WNT1: variants seen among roughly 807,000 people sequenced by gnomAD.
WNT1 encodes the protein proto-oncogene Wnt-1.
Under a neutral mutation model 21.3 loss-of-function variants are expected in WNT1, and 10 were observed. The ratio of observed to expected loss-of-function variants is 0.47; its 90% CI spans 0.29 to 0.80. The LOEUF (loss-of-function observed/expected upper bound fraction) is 0.80. WNT1 is among the 30% of genes least tolerant of loss of function. The pLI, the probability that WNT1 is intolerant of heterozygous loss-of-function variation, is 0.09. For synonymous variants in WNT1, 208 were observed against 236.3 expected, an observed-to-expected ratio of 0.88 and a Z score of 1.10; for missense variants, 476 against 534.1, an observed-to-expected ratio of 0.89 and a Z score of 1.07.
In WNT1 at chr12:48,979,476, T is replaced by C; in HGVS notation, c.113T>C (p.Val38Ala). ...ATCATACGTCCCACCAGGGGTATTG[T>C]GAACGTAGCCTCCTCCACGAACCTG... ...ANSSGRWWGI[V>A]NVASSTNLLT... The change falls in exon 2 of 4, where the codon GTG (valine) becomes GCG (alanine). Residue 38 changes from valine (V) to alanine (A), a missense_variant. By Grantham distance (64) the Val-to-Ala change is moderately conservative (BLOSUM62 0). Coordinates refer to ENST00000293549, the MANE Select transcript of WNT1 (RefSeq NM_005430.4). The surrounding 1 kb of genome is among the most constrained non-coding windows in gnomAD (Gnocchi z 6.0). 6.2e-7 allele frequency: 1 copy of C among 1,609,240 alleles called. No individual in the cohort carries two copies. The highest frequency in any genetic ancestry group is 8.5e-7 in the Non-Finnish European group (1 of 1,176,602).
chr12:48,978,790 C>T lies in WNT1; in HGVS notation c.104+36C>T, dbSNP rs1287361674. The T allele has an allele frequency of 2.7e-6, 4 of 1,458,312 alleles. No individual in the cohort carries two copies. The Admixed American group carries it at 7.4e-5, about 27-fold the overall frequency. The allele number at this position is 1,458,312 out of a possible 1,614,324, so 90.3% of individuals were successfully genotyped here. A position where few individuals can be genotyped will look rare whatever the true frequency, so the allele number is the denominator to read the frequency against. On this transcript the variant is annotated intron_variant, in intron 1 of 3. Coordinates refer to ENST00000293549, the MANE Select transcript of WNT1 (RefSeq NM_005430.4). The surrounding 1 kb of genome is among the most constrained non-coding windows in gnomAD (Gnocchi z 7.4). ...TGGTGCGGGGTCGCCACTTGTCCCG[C>T]GGCACAGAGCCAGGGGCCAACCCTA...
chr12:48,978,856 C>G lies in WNT1; in HGVS notation c.104+102C>G. 1.2e-6 allele frequency: 1 copy of G among 807,476 alleles called. No individual in the cohort carries two copies. Among genetic ancestry groups the G allele is most frequent in the Non-Finnish European group, 1.9e-6 (1 of 527,834 alleles). 50.0% of individuals were successfully genotyped at this position (807,476 alleles called of 1,614,324 possible). ...CTGGGATCCGTCTGCCGACAGGCTC[C>G]CTCCCCGCTCTGACTTCCCTCCGCG... On this transcript the variant is annotated intron_variant, in intron 1 of 3. Transcript: ENST00000293549. The surrounding 1 kb of genome is among the most constrained non-coding windows in gnomAD (Gnocchi z 7.4).
rs1315023513 is a variant in WNT1 at position 48,980,275 on chromosome 12, C to T, written c.359-149C>T. 11 of 906,202 alleles carry T rather than the reference C, an allele frequency of 1.2e-5. No homozygotes were observed. The highest frequency in any genetic ancestry group is 3.3e-5 in the African/African-American group (2 of 60,150). The allele number at this position is 906,202 out of a possible 1,614,324, so 56.1% of individuals were successfully genotyped here. ...CACGCACCTGCTTTCTCTACTAGCC[C>T]TAGAGACCAGCTTTCCAGCACTGCC... On this transcript the variant is annotated intron_variant, in intron 2 of 3. Coordinates refer to ENST00000293549, the MANE Select transcript of WNT1 (RefSeq NM_005430.4). This position sits in a 1 kb window ranked among gnomAD's most constrained non-coding sequence, Gnocchi z 7.0.
chr12:48,981,742 C>CA lies in WNT1; in HGVS notation c.*103dup. The CA allele has an allele frequency of 7.3e-7, 1 of 1,371,866 alleles. No homozygotes were observed. The highest frequency in any genetic ancestry group is 9.4e-7 in the Non-Finnish European group (1 of 1,058,520). The allele number at this position is 1,371,866 out of a possible 1,614,324, so 85.0% of individuals were successfully genotyped here. A position where few individuals can be genotyped will look rare whatever the true frequency, so the allele number is the denominator to read the frequency against. On this transcript the variant is annotated 3_prime_UTR_variant, in exon 4 of 4. Coordinates refer to ENST00000293549, the MANE Select transcript of WNT1 (RefSeq NM_005430.4). This position sits in a 1 kb window ranked among gnomAD's most constrained non-coding sequence, Gnocchi z 7.4. The stretch of plus-strand genomic sequence containing the variant: ...GGTTATTCGCCCACCCGAGTACCTC[C>CA]AGTCACACTCCCCGCGGTTCATACG...
chr12:48,978,815 AC>A lies in WNT1; in HGVS notation c.104+64del. 8.5e-7 allele frequency: 1 copy of A among 1,179,884 alleles called. No individual in the cohort carries two copies. The highest frequency in any genetic ancestry group is 1.2e-6 in the Non-Finnish European group (1 of 847,656). 73.1% of individuals were successfully genotyped at this position (1,179,884 alleles called of 1,614,324 possible). On this transcript the variant is annotated intron_variant, in intron 1 of 3. Coordinates refer to ENST00000293549, the MANE Select transcript of WNT1 (RefSeq NM_005430.4). This position sits in a 1 kb window ranked among gnomAD's most constrained non-coding sequence, Gnocchi z 7.4. Reference sequence around the variant, plus strand: ...CGGCACAGAGCCAGGGGCCAACCCTACCCAGCTCCCACGCTCTGGGATCCGT... The same window carrying A: ...CGGCACAGAGCCAGGGGCCAACCCTACCAGCTCCCACGCTCTGGGATCCGT...
At position 48,979,036 on chromosome 12, in the gene WNT1, C is replaced by A. The variant is rs1203113316; in HGVS notation, c.104+282C>A. 6.6e-6 allele frequency among the ~76,000 whole-genome samples: 1 copy of A among 152,266 alleles called. No individual in the cohort carries two copies. Among genetic ancestry groups the A allele is most frequent in the Non-Finnish European group, 1.5e-5 (1 of 68,050 alleles). On this transcript the variant is annotated intron_variant, in intron 1 of 3. Coordinates refer to ENST00000293549, the MANE Select transcript of WNT1 (RefSeq NM_005430.4). This position sits in a 1 kb window ranked among gnomAD's most constrained non-coding sequence, Gnocchi z 6.0. Reference sequence around the variant, plus strand: ...CCTTTGAGCGCCAACTCCAGCCTCACGGCGGTGGCTCACCACAGGTTTCCC... The same window carrying A: ...CCTTTGAGCGCCAACTCCAGCCTCAAGGCGGTGGCTCACCACAGGTTTCCC...
In WNT1 at chr12:48,981,766, C is replaced by T; in HGVS notation, c.*126C>T. On this transcript the variant is annotated 3_prime_UTR_variant, in exon 4 of 4. Transcript: ENST00000293549. The surrounding 1 kb of genome is among the most constrained non-coding windows in gnomAD (Gnocchi z 7.4). ...CCAGTCACACTCCCCGCGGTTCATACGCATCCCATCTCTCCCACTTCCTCC... is the reference window on the plus strand; with the variant it reads ...CCAGTCACACTCCCCGCGGTTCATATGCATCCCATCTCTCCCACTTCCTCC... 2 of 1,274,476 alleles carry T rather than the reference C, an allele frequency of 1.6e-6. No individual in the cohort carries two copies. Among genetic ancestry groups the T allele is most frequent in the East Asian group, 2.9e-5 (1 of 34,184 alleles). The allele number at this position is 1,274,476 out of a possible 1,614,324, so 78.9% of individuals were successfully genotyped here.
chr12:48,978,560 C>T lies in WNT1; in HGVS notation c.-91C>T. 2.1e-6 allele frequency: 2 copies of T among 950,728 alleles called. No individual in the cohort carries two copies. The highest frequency in any genetic ancestry group is 2.0e-5 in the Admixed American group (1 of 48,880). The allele number at this position is 950,728 out of a possible 1,614,324, so 58.9% of individuals were successfully genotyped here. A position where few individuals can be genotyped will look rare whatever the true frequency, so the allele number is the denominator to read the frequency against. On this transcript the variant is annotated 5_prime_UTR_variant, in exon 1 of 4. Transcript: ENST00000293549. The surrounding 1 kb of genome is among the most constrained non-coding windows in gnomAD (Gnocchi z 7.4). ...AAAGCCAGACTGCGAACTCTCGCCACTGCCGCCACCGCCGCGTCCCGTCCC... is the reference window on the plus strand; with the variant it reads ...AAAGCCAGACTGCGAACTCTCGCCATTGCCGCCACCGCCGCGTCCCGTCCC...
chr12:48,980,648 C>A lies in WNT1; in HGVS notation c.583C>A (p.Arg195Ser), dbSNP rs748362408. 1.3e-6 allele frequency: 2 copies of A among 1,585,338 alleles called. No individual in the cohort carries two copies. Among genetic ancestry groups the A allele is most frequent in the Non-Finnish European group, 1.7e-6 (2 of 1,165,956 alleles). The change falls in exon 3 of 4, where the codon CGC (arginine) becomes AGC (serine). Residue 195 changes from arginine (R) to serine (S), a missense_variant. Coordinates refer to ENST00000293549, the MANE Select transcript of WNT1 (RefSeq NM_005430.4). This position sits in a 1 kb window ranked among gnomAD's most constrained non-coding sequence, Gnocchi z 7.0. The part of the protein sequence containing the change: ...VDSGEKGRDL[R>S]FLMNLHNNEA... ...CTCCGGGGAGAAGGGGCGGGACCTG[C>A]GCTTCCTCATGAACCTTCACAACAA...
Position 48,979,365 on chromosome 12 carries a change from T to C in WNT1, c.105-103T>C. On this transcript the variant is annotated intron_variant, in intron 1 of 3. Transcript: ENST00000293549. The surrounding 1 kb of genome is among the most constrained non-coding windows in gnomAD (Gnocchi z 6.0). ...GCGGGTATTATTAATCTCCCGCCAT[T>C]CTCTCCAGCCACATACCCCCAGGAA... 7.1e-7 allele frequency: 1 copy of C among 1,408,882 alleles called. No individual in the cohort carries two copies. Among genetic ancestry groups the C allele is most frequent in the Non-Finnish European group, 9.5e-7 (1 of 1,051,168 alleles). The allele number at this position is 1,408,882 out of a possible 1,614,324, so 87.3% of individuals were successfully genotyped here. A position where few individuals can be genotyped will look rare whatever the true frequency, so the allele number is the denominator to read the frequency against.
chr12:48,981,580 G>C lies in WNT1; in HGVS notation c.1053G>C (p.Trp351Cys), dbSNP rs1565722079. The C allele has an allele frequency of 5.3e-6, 8 of 1,508,946 alleles. No homozygotes were observed. Among genetic ancestry groups the C allele is most frequent in the Non-Finnish European group, 6.2e-6 (7 of 1,130,910 alleles). The allele number at this position is 1,508,946 out of a possible 1,614,324, so 93.5% of individuals were successfully genotyped here. ...VTERCNCTFH[W>C]CCHVSCRNCT... ...AGCGCTGCAACTGCACCTTCCACTG[G>C]TGCTGCCACGTCAGCTGCCGCAACT... Residue 351 changes from tryptophan to cysteine, a missense_variant, in exon 4 of 4, where the codon TGG becomes TGC. Trp to Cys is a radical substitution (Grantham distance 215). Transcript: ENST00000293549. The surrounding 1 kb of genome is among the most constrained non-coding windows in gnomAD (Gnocchi z 7.4).
rs1454467186 is a variant in WNT1, at chr12:48,980,387, G to A, written c.359-37G>A. 3 of 1,612,926 alleles carry A rather than the reference G, an allele frequency of 1.9e-6. No homozygotes were observed. The East Asian group carries it at 6.7e-5, about 36-fold the overall frequency. ...CATGAGGGTGCTGGCCGCGCCCCGC[G>A]TACCCCCTCGCTGATCCCCGCTCCC... On this transcript the variant is annotated intron_variant, in intron 2 of 3. Coordinates refer to ENST00000293549, the MANE Select transcript of WNT1 (RefSeq NM_005430.4). This position sits in a 1 kb window ranked among gnomAD's most constrained non-coding sequence, Gnocchi z 7.0.
chr12:48,981,802 C>A lies in WNT1; in HGVS notation c.*162C>A. ...TCTCCCACTTCCTCCTACCTGGGGA[C>A]TCCTCAAACCACTTGCCTGGGGCGG... On this transcript the variant is annotated 3_prime_UTR_variant, in exon 4 of 4. Coordinates refer to ENST00000293549, the MANE Select transcript of WNT1 (RefSeq NM_005430.4). This position sits in a 1 kb window ranked among gnomAD's most constrained non-coding sequence, Gnocchi z 7.4. The A allele has an allele frequency of 9.7e-7, 1 of 1,032,468 alleles. No homozygotes were observed. Among genetic ancestry groups the A allele is most frequent in the Non-Finnish European group, 1.3e-6 (1 of 759,360 alleles). The allele number at this position is 1,032,468 out of a possible 1,614,324, so 64.0% of individuals were successfully genotyped here.
In WNT1 at chr12:48,979,756, G is replaced by A; in HGVS notation, c.358+35G>A. 1 of 1,544,648 alleles carries A rather than the reference G, an allele frequency of 6.5e-7. No homozygotes were observed. The highest frequency in any genetic ancestry group is 2.1e-4 in the Middle Eastern group (1 of 4,792). On this transcript the variant is annotated intron_variant, in intron 2 of 3. Transcript: ENST00000293549. The surrounding 1 kb of genome is among the most constrained non-coding windows in gnomAD (Gnocchi z 6.0). ...CAGGAAGGCGACGCTTCCGGGAGCA[G>A]GGGAAACGCGGGGTCACCCCCAGGG... is the stretch of plus-strand genomic sequence containing the variant.
At position 48,979,766 on chromosome 12, in the gene WNT1, G is replaced by A. The variant is rs1940986112; in HGVS notation, c.358+45G>A. The A allele has an allele frequency of 1.9e-6, 3 of 1,538,834 alleles. No individual in the cohort carries two copies. Among genetic ancestry groups the A allele is most frequent in the South Asian group, 1.2e-5 (1 of 80,930 alleles). ...ACGCTTCCGGGAGCAGGGGAAACGC[G>A]GGGTCACCCCCAGGGCATGGGCGGG... On this transcript the variant is annotated intron_variant, in intron 2 of 3. Coordinates refer to ENST00000293549, the MANE Select transcript of WNT1 (RefSeq NM_005430.4). This position sits in a 1 kb window ranked among gnomAD's most constrained non-coding sequence, Gnocchi z 6.0.
At position 48,980,515 on chromosome 12, in the gene WNT1, C is replaced by G; in HGVS notation, c.450C>G (p.Ser150=). The part of the protein sequence containing the change: ...ARSCSEGSIE[S]CTCDYRRRGP... ...CCTGCTCAGAAGGTTCCATCGAATC[C>G]TGCACGTGTGACTACCGGCGGCGCG... The change falls in exon 3 of 4, where the codon TCC becomes TCG. Residue 150 remains serine, a synonymous_variant. Coordinates refer to ENST00000293549, the MANE Select transcript of WNT1 (RefSeq NM_005430.4). This position sits in a 1 kb window ranked among gnomAD's most constrained non-coding sequence, Gnocchi z 7.0. 1 of 1,614,172 alleles carries G rather than the reference C, an allele frequency of 6.2e-7. No homozygotes were observed. The highest frequency in any genetic ancestry group is 8.5e-7 in the Non-Finnish European group (1 of 1,180,010).
At position 48,980,376 on chromosome 12, in the gene WNT1, C is replaced by A. The variant is rs757749909; in HGVS notation, c.359-48C>A. The A allele has an allele frequency of 1.9e-6, 3 of 1,609,216 alleles. No individual in the cohort carries two copies. In the South Asian group the frequency reaches 3.3e-5, roughly 18 times the overall value. On this transcript the variant is annotated intron_variant, in intron 2 of 3. Coordinates refer to ENST00000293549, the MANE Select transcript of WNT1 (RefSeq NM_005430.4). This position sits in a 1 kb window ranked among gnomAD's most constrained non-coding sequence, Gnocchi z 7.0. Reference sequence around the variant, plus strand: ...CCCAAGCCCTTCATGAGGGTGCTGGCCGCGCCCCGCGTACCCCCTCGCTGA... The same window carrying A: ...CCCAAGCCCTTCATGAGGGTGCTGGACGCGCCCCGCGTACCCCCTCGCTGA...
In WNT1 at chr12:48,978,766, G is replaced by A; in HGVS notation, c.104+12G>A. ...AGTGGCCGATGGTGGTAAGTGAGCT[G>A]GTGCGGGGTCGCCACTTGTCCCGCG... is the stretch of plus-strand genomic sequence containing the variant. On this transcript the variant is annotated intron_variant, in intron 1 of 3. Coordinates refer to ENST00000293549, the MANE Select transcript of WNT1 (RefSeq NM_005430.4). The surrounding 1 kb of genome is among the most constrained non-coding windows in gnomAD (Gnocchi z 7.4). 1 of 1,570,074 alleles carries A rather than the reference G, an allele frequency of 6.4e-7. No homozygotes were observed. The highest frequency in any genetic ancestry group is 8.7e-7 in the Non-Finnish European group (1 of 1,155,636).
Position 48,979,732 on chromosome 12 carries a change from A to C in WNT1, c.358+11A>C. On this transcript the variant is annotated intron_variant, in intron 2 of 3. Coordinates refer to ENST00000293549, the MANE Select transcript of WNT1 (RefSeq NM_005430.4). The surrounding 1 kb of genome is among the most constrained non-coding windows in gnomAD (Gnocchi z 6.0). Reference sequence around the variant, plus strand: ...AGATCGTCAACCGAGGTGGGTGCCCAGGAAGGCGACGCTTCCGGGAGCAGG... The same window carrying C: ...AGATCGTCAACCGAGGTGGGTGCCCCGGAAGGCGACGCTTCCGGGAGCAGG... 1.3e-6 allele frequency: 2 copies of C among 1,575,892 alleles called. No homozygotes were observed. Among genetic ancestry groups the C allele is most frequent in the Non-Finnish European group, 1.7e-6 (2 of 1,156,872 alleles).
Sources: allele counts gnomAD v4.1 joint callset (sites outside exome capture counted in the v4.1 genomes callset), GRCh38; gene constraint gnomAD v4.1.1; non-coding constraint Gnocchi (gnomAD v3.1); transcripts MANE v1.5; gene names NCBI Gene and HGNC (gene_info 2026-07-23, HGNC 2026-07-21).